Variants in PACRG observed in about 807,000 individuals in gnomAD.
PACRG encodes the protein parkin coregulated gene protein.
PACRG carries 29 observed loss-of-function variants against 29.7 expected under a neutral mutation model. That is an observed-to-expected ratio of 0.98 (90% CI 0.73 to 1.33). PACRG has a LOEUF of 1.33. Ranked by LOEUF, PACRG falls within the 40% of genes most tolerant of loss-of-function variation. PACRG has a pLI of 0.00. For synonymous variants in PACRG, 116 were observed against 118.7 expected (o/e 0.98, Z 0.15); for missense variants, 279 against 316.2 (o/e 0.88, Z 0.89).
rs1353147779 is a variant in PACRG, at chr6:162,747,451, TAACTATAA to T, written c.156+19062_156+19069del. Among the ~76,000 whole-genome samples, 125 of 93,666 alleles carry T rather than the reference TAACTATAA, an allele frequency of 1.3e-3. 20 individuals carry two copies. The highest frequency in any genetic ancestry group is 5.4e-3 in the African/African-American group (106 of 19,778). The allele number at this position is 93,666 out of a possible 152,430, so 61.4% of individuals were successfully genotyped here. Reference sequence around the variant, plus strand: ...ATATATGTAAAACTATATATATATATAACTATAAATATATATGTAAAACTATATATATA... The same window carrying T: ...ATATATGTAAAACTATATATATATATATATATATGTAAAACTATATATATA... On this transcript the variant is annotated intron_variant, in intron 1 of 4. Coordinates refer to ENST00000366888, the MANE Select transcript of PACRG (RefSeq NM_001080379.2).
intron 1 of PACRG, among the ~76,000 whole-genome samples, chr6:162,794,054 G>T (rs1297082870): frequency 5.9e-5 from 9 of 152,172 alleles, no homozygotes; most frequent in African/African-American, 1.4e-4. Context: ...AATGGTAAAT[G>T]GTTTCCAAAG....
At chr6:162,746,442 A>T (rs942155499) in intron 1 of PACRG, among the ~76,000 whole-genome samples, 1 of 152,208 alleles carries the variant, frequency 6.6e-6, no homozygotes, top group Non-Finnish European at 1.5e-5. Flanking sequence ...GTATAAGGTA[A>T]ATACTAGTAA....
chr6:162,911,742 G>T (rs531187527), intron 2 of PACRG, among the ~76,000 whole-genome samples: 1 of 152,242 alleles, frequency 6.6e-6, no homozygotes, highest in African/African-American at 2.4e-5. Context: ...TATTTACAAA[G>T]ATTTTCAAAG....
Position 163,100,955 on chromosome 6 carries a change from C to T in PACRG, c.613+11547C>T, listed in dbSNP as rs1815050976. On this transcript the variant is annotated intron_variant, in intron 4 of 4. Coordinates refer to ENST00000366888, the MANE Select transcript of PACRG (RefSeq NM_001080379.2). Reference sequence around the variant, plus strand: ...TAAAGAAGAAAGGTAAAGATGGCAACGTAATTATGACCAAGTTCTGTTCAG... The same window carrying T: ...TAAAGAAGAAAGGTAAAGATGGCAATGTAATTATGACCAAGTTCTGTTCAG... 10 of 984,706 alleles carry T rather than the reference C, an allele frequency of 1.0e-5. No individual in the cohort carries two copies. The South Asian group carries it at 2.3e-4, about 23-fold the overall frequency. 61.0% of individuals were successfully genotyped at this position (984,706 alleles called of 1,614,324 possible).
At chr6:162,969,906 C>T (rs1194534020) in intron 2 of PACRG, among the ~76,000 whole-genome samples, 3 of 152,132 alleles carry the variant, frequency 2.0e-5, no homozygotes, top group Admixed American at 6.5e-5. Flanking sequence ...TGTTTATCTG[C>T]ATGTTTGTTG....
chr6:162,844,511 G>A (rs1307455717), intron 2 of PACRG, among the ~76,000 whole-genome samples: 2 of 152,208 alleles, frequency 1.3e-5, no homozygotes, highest in African/African-American at 4.8e-5. Flanking sequence ...TCCCTAGTGA[G>A]ATGAACCCGG....
chr6:162,737,884 T>G (rs560078416), intron 1 of PACRG, among the ~76,000 whole-genome samples: 1 of 152,186 alleles, frequency 6.6e-6, no homozygotes, highest in East Asian at 1.9e-4. Context: ...ATTTTTATAT[T>G]TATTTTATAC....
intron 4 of PACRG, among the ~76,000 whole-genome samples, chr6:163,284,808 C>T (rs985873847): frequency 6.6e-6 from 1 of 152,258 alleles, no homozygotes; most frequent in South Asian, 2.1e-4. Flanking sequence ...CCCCTGTTGC[C>T]CCTGCTAAAG....
rs918645987 is a variant in PACRG, at chr6:163,285,357, C to T, written c.614-29470C>T. ...CTGACACATCCCCACTCGGGCAGCA[C>T]CCCCACCCCGCCAGCCCCAGTCCAG... On this transcript the variant is annotated intron_variant, in intron 4 of 4. Transcript: ENST00000366888. 3.3e-5 allele frequency among the ~76,000 whole-genome samples: 5 copies of T among 152,120 alleles called. No homozygotes were observed. In the South Asian group the frequency reaches 8.3e-4, roughly 25 times the overall value.
At chr6:163,181,563 T>C (rs1779663428) in intron 4 of PACRG, among the ~76,000 whole-genome samples, 1 of 123,472 alleles carries the variant, frequency 8.1e-6, no homozygotes, top group African/African-American at 3.2e-5. Flanking sequence ...AAATGGGTCC[T>C]CATGGACAGG....
At chr6:162,972,102 C>G (rs538028828) in intron 2 of PACRG, among the ~76,000 whole-genome samples, 1 of 152,228 alleles carries the variant, frequency 6.6e-6, no homozygotes, top group Non-Finnish European at 1.5e-5. Flanking sequence ...ACCCAGCATG[C>G]AGCCCTACCT....
chr6:163,137,286 A>G (rs1206450653), intron 4 of PACRG, among the ~76,000 whole-genome samples: 9 of 151,994 alleles, frequency 5.9e-5, no homozygotes, highest in African/African-American at 1.5e-4. Flanking sequence ...ATCATTATCC[A>G]TGACCTACAA....
At chr6:162,835,367 C>G (rs1323262260) in intron 2 of PACRG, among the ~76,000 whole-genome samples, 1 of 152,028 alleles carries the variant, frequency 6.6e-6, no homozygotes, top group Non-Finnish European at 1.5e-5. Context: ...ATAATATGAT[C>G]TGGTCCTTCT....
intron 1 of PACRG, among the ~76,000 whole-genome samples, chr6:162,755,882 C>T (rs1781881229): frequency 6.6e-6 from 1 of 151,572 alleles, no homozygotes; most frequent in South Asian, 2.1e-4. Flanking sequence ...TTTTAATTTC[C>T]TTTTTTTATT....
intron 1 of PACRG, among the ~76,000 whole-genome samples, chr6:162,732,850 A>C (rs562374628): frequency 7.2e-5 from 11 of 152,314 alleles, no homozygotes; most frequent in African/African-American, 2.6e-4. Context: ...CTTATAGAAA[A>C]AAAGTCAAGA....
chr6:162,810,393 A>G (rs1209667364), intron 1 of PACRG, among the ~76,000 whole-genome samples: 1 of 152,242 alleles, frequency 6.6e-6, no homozygotes, highest in Non-Finnish European at 1.5e-5. Flanking sequence ...TGGTTTCACA[A>G]GAAAATCAGT....
chr6:163,077,586 A>G (rs906289003), intron 3 of PACRG, among the ~76,000 whole-genome samples: 8 of 152,212 alleles, frequency 5.3e-5, no homozygotes, highest in African/African-American at 1.7e-4. Flanking sequence ...AGCAAGTACA[A>G]TTGAAATGCA....
chr6:163,262,091 T>C (rs1174294603), intron 4 of PACRG, among the ~76,000 whole-genome samples: 1 of 152,224 alleles, frequency 6.6e-6, no homozygotes, highest in Non-Finnish European at 1.5e-5. Context: ...CTAAAATAAA[T>C]TCTAAACTAT....
Position 163,154,003 on chromosome 6 carries a change from C to T in PACRG, c.613+64595C>T, listed in dbSNP as rs535828658. The stretch of plus-strand genomic sequence containing the variant: ...GAGGAAGAACAGCGGTGATTTTGCA[C>T]CAGCGATCATATGTCTCTGCGGGAA... On this transcript the variant is annotated intron_variant, in intron 4 of 4. Coordinates refer to ENST00000366888, the MANE Select transcript of PACRG (RefSeq NM_001080379.2). Among the ~76,000 whole-genome samples the T allele has an allele frequency of 2.6e-5, 4 of 152,284 alleles. No homozygotes were observed. In the East Asian group the frequency reaches 7.7e-4, roughly 29 times the overall value.
Sources: gnomAD v4.1 joint callset for allele counts (sites outside exome capture counted in the v4.1 genomes callset) on GRCh38, gnomAD v4.1.1 for gene constraint, MANE v1.5 for transcripts, NCBI Gene and HGNC (gene_info 2026-07-23, HGNC 2026-07-21) for gene names.